The following CAB39 variants were observed in gnomAD, a reference collection of about 807,000 sequenced individuals.
CAB39 encodes calcium-binding protein 39.
A neutral mutation model predicts 40.0 loss-of-function variants in CAB39; 8 were observed. That is an observed-to-expected ratio of 0.20 (90% CI 0.12 to 0.36). The LOEUF (loss-of-function observed/expected upper bound fraction) is 0.36. CAB39 is among the 10% of genes least tolerant of loss of function. The probability of loss-of-function intolerance (pLI) is 1.00; values close to 1 mark genes in which losing one functional copy is unlikely to be tolerated. For missense variants in CAB39, 270 were observed against 401.1 expected (o/e 0.67, Z 2.79); for synonymous variants, 156 against 141.6 (o/e 1.10, Z -0.72).
chr2:230,736,932 C>T (rs1267548106), intron 1 of CAB39, among the ~76,000 whole-genome samples: 1 of 152,074 alleles, frequency 6.6e-6, no homozygotes, highest in Non-Finnish European at 1.5e-5. Flanking sequence ...AAATTGAGTA[C>T]CAGAGAGGTC....
At chr2:230,778,720 CG>C (rs1217589789) in intron 2 of CAB39, among the ~76,000 whole-genome samples, 8 of 152,244 alleles carry the variant, frequency 5.3e-5, no homozygotes, top group Admixed American at 1.3e-4. Context: ...TCCTGTTACA[CG>C]TTACTTAACA....
intron 2 of CAB39, among the ~76,000 whole-genome samples, chr2:230,782,438 A>T (rs1169325031): frequency 6.6e-6 from 1 of 152,080 alleles, no homozygotes; most frequent in Non-Finnish European, 1.5e-5. Context: ...CAACATAATG[A>T]TCATTTTGAT....
chr2:230,767,501 T>C (rs1208333926), intron 2 of CAB39, among the ~76,000 whole-genome samples: 3 of 152,166 alleles, frequency 2.0e-5, no homozygotes, highest in African/African-American at 4.8e-5. Context: ...ATATATTCCT[T>C]AGAGTAAAAG....
At chr2:230,744,747 A>G (rs1445325509) in intron 1 of CAB39, among the ~76,000 whole-genome samples, 1 of 152,256 alleles carries the variant, frequency 6.6e-6, no homozygotes, top group African/African-American at 2.4e-5. Context: ...TAACAACTGC[A>G]TGGTACACTG....
At chr2:230,743,979 G>A (rs1694928922) in intron 1 of CAB39, among the ~76,000 whole-genome samples, 1 of 150,436 alleles carries the variant, frequency 6.6e-6, no homozygotes, top group African/African-American at 2.5e-5. Flanking sequence ...GAGTGCAATG[G>A]CACGATCTCA....
rs570657817 is a variant in CAB39 at position 230,790,312 on chromosome 2, TGGC to T, written c.115-559_115-557del. Reference sequence around the variant, plus strand: ...TCTTTTTCATGGGGAAAGGTAAATCTGGCCCTTCTCTATCTTGAGCAGAAGTAG... The same window carrying T: ...TCTTTTTCATGGGGAAAGGTAAATCTCCTTCTCTATCTTGAGCAGAAGTAG... On this transcript the variant is annotated intron_variant, in intron 2 of 8. Transcript: ENST00000258418. Among the ~76,000 whole-genome samples the T allele has an allele frequency of 4.2e-3, 640 of 152,328 alleles. 5 individuals are homozygous for T. The highest frequency in any genetic ancestry group is 0.024 in the Middle Eastern group (7 of 294).
chr2:230,785,380 CA>C (rs1253759543), intron 2 of CAB39, among the ~76,000 whole-genome samples: 33 of 54,224 alleles, frequency 6.1e-4, no homozygotes, highest in Non-Finnish European at 1.0e-3. Context: ...GGCGCGTGGG[CA>C]GGGGGGCAGG....
At chr2:230,749,992 G>A (rs995534083) in intron 1 of CAB39, among the ~76,000 whole-genome samples, 1 of 152,110 alleles carries the variant, frequency 6.6e-6, no homozygotes, top group Non-Finnish European at 1.5e-5. Flanking sequence ...GAACAAACTA[G>A]CCAATAATTT....
At chr2:230,726,335 T>G (rs1022021428) in intron 1 of CAB39, among the ~76,000 whole-genome samples, 4 of 151,500 alleles carry the variant, frequency 2.6e-5, no homozygotes, top group Admixed American at 1.3e-4. Context: ...GCTAATTTTT[T>G]GTATTTTTTT....
At chr2:230,740,096 A>T (rs1179664051) in intron 1 of CAB39, among the ~76,000 whole-genome samples, 1 of 152,192 alleles carries the variant, frequency 6.6e-6, no homozygotes, top group Admixed American at 6.5e-5. Context: ...TTTTCTTTTT[A>T]TGAATATGTG....
At position 230,713,119 on chromosome 2, in the gene CAB39, C is replaced by G. The variant is rs1293638954; in HGVS notation, c.-155C>G. ...AGCGGGCGGAAGACAACGGAGGGGC[C>G]GAGCGTCCGAGCCACTCCGCGGGGA... is the stretch of plus-strand genomic sequence containing the variant. On this transcript the variant is annotated 5_prime_UTR_variant, in exon 1 of 9. Coordinates refer to ENST00000258418, the MANE Select transcript of CAB39 (RefSeq NM_016289.4). The G allele has an allele frequency of 2.0e-5, 3 of 151,788 alleles. No homozygotes were observed. Among genetic ancestry groups the G allele is most frequent in the Non-Finnish European group, 4.4e-5 (3 of 67,898 alleles). 9.4% of individuals were successfully genotyped at this position (151,788 alleles called of 1,614,324 possible). A position where few individuals can be genotyped will look rare whatever the true frequency, so the allele number is the denominator to read the frequency against.
intron 1 of CAB39, among the ~76,000 whole-genome samples, chr2:230,718,915 A>G (rs1694399438): frequency 6.6e-6 from 1 of 152,168 alleles, no homozygotes; most frequent in Admixed American, 6.5e-5. Flanking sequence ...GGTTTTCTTC[A>G]TTCTTTGTCC....
chr2:230,802,146 C>A (rs1346510693), intron 5 of CAB39, among the ~76,000 whole-genome samples: 1 of 152,166 alleles, frequency 6.6e-6, no homozygotes, highest in African/African-American at 2.4e-5. Context: ...AACTGAACAA[C>A]CTGCTCCTGA....
intron 5 of CAB39, among the ~76,000 whole-genome samples, chr2:230,802,430 A>C (rs962607073): frequency 2.0e-5 from 3 of 152,204 alleles, no homozygotes; most frequent in Admixed American, 2.0e-4. Flanking sequence ...TGAAGGAGAT[A>C]GAGACACAGA....
At chr2:230,730,735 C>T (rs1251568722) in intron 1 of CAB39, among the ~76,000 whole-genome samples, 1 of 152,102 alleles carries the variant, frequency 6.6e-6, no homozygotes, top group African/African-American at 2.4e-5. Context: ...TGAGCCACTG[C>T]GCCCGGCCAA....
chr2:230,788,220 C>CTTTA (rs1219542994), intron 2 of CAB39, among the ~76,000 whole-genome samples: 1 of 148,224 alleles, frequency 6.7e-6, no homozygotes, highest in Non-Finnish European at 1.5e-5. Context: ...GGTTTATTAG[C>CTTTA]TATAAATCTT....
chr2:230,747,577 A>C (rs1039246213), intron 1 of CAB39, among the ~76,000 whole-genome samples: 2 of 152,264 alleles, frequency 1.3e-5, no homozygotes, highest in Non-Finnish European at 2.9e-5. Flanking sequence ...TACAGTGGTC[A>C]CAGTGGTCAT....
intron 2 of CAB39, among the ~76,000 whole-genome samples, chr2:230,781,371 T>C (rs1312233273): frequency 6.6e-6 from 1 of 152,210 alleles, no homozygotes; most frequent in Admixed American, 6.5e-5. Flanking sequence ...AAAGGATTGT[T>C]TCTGAGCTGC....
At chr2:230,807,301 A>G (rs1280802272) in intron 5 of CAB39, among the ~76,000 whole-genome samples, 1 of 151,834 alleles carries the variant, frequency 6.6e-6, no homozygotes, top group Non-Finnish European at 1.5e-5. Flanking sequence ...ATCTCTCAGT[A>G]GATAGAGGCT....
Sources: allele counts gnomAD v4.1 joint callset (sites outside exome capture counted in the v4.1 genomes callset), GRCh38; gene constraint gnomAD v4.1.1; transcripts MANE v1.5; gene names NCBI Gene and HGNC (gene_info 2026-07-23, HGNC 2026-07-21).